PDCL2: variants seen among roughly 807,000 people sequenced by gnomAD.
The protein encoded by PDCL2 is phosducin like 2.
A neutral mutation model predicts 30.3 loss-of-function variants in PDCL2; 23 were observed. The ratio of observed to expected loss-of-function variants is 0.76; its 90% CI spans 0.55 to 1.08. PDCL2 has a LOEUF of 1.08. PDCL2 is among the 50% of genes least tolerant of loss of function. The pLI is 0.00. For missense variants in PDCL2, 243 were observed against 282.3 expected (o/e 0.86, Z 1.00); for synonymous variants, 68 against 86.2 (o/e 0.79, Z 1.17).
intron 5 of PDCL2, among the ~76,000 whole-genome samples, chr4:55,560,882 A>G (rs1242815994): frequency 3.3e-5 from 5 of 152,126 alleles, no homozygotes; most frequent in Non-Finnish European, 7.4e-5. Context: ...ATCTATGAAG[A>G]ACAGGCCCTC....
At chr4:55,565,921 G>A (rs1301807496) in intron 4 of PDCL2, among the ~76,000 whole-genome samples, 4 of 148,918 alleles carry the variant, frequency 2.7e-5, no homozygotes, top group South Asian at 2.1e-4. Context: ...TAAATTAACA[G>A]CTGTCCTTCA....
chr4:55,557,088 T>C (rs571153181), intron 5 of PDCL2, among the ~76,000 whole-genome samples: 5 of 152,338 alleles, frequency 3.3e-5, no homozygotes, highest in South Asian at 4.1e-4. Flanking sequence ...TCCCCCTACC[T>C]TGGCCTCCCA....
At chr4:55,561,474 G>T (rs1318840248) in intron 5 of PDCL2, among the ~76,000 whole-genome samples, 2 of 152,106 alleles carry the variant, frequency 1.3e-5, no homozygotes, top group African/African-American at 4.8e-5. Context: ...GAGGCAGGGA[G>T]AATTGCTTGA....
chr4:55,567,736 C>T (rs1732305839), intron 4 of PDCL2, among the ~76,000 whole-genome samples: 1 of 152,160 alleles, frequency 6.6e-6, no homozygotes, highest in South Asian at 2.1e-4. Flanking sequence ...TGACAAACAA[C>T]TTTGTATCAG....
intron 3 of PDCL2, among the ~76,000 whole-genome samples, chr4:55,576,004 G>C (rs1384334352): frequency 6.6e-5 from 10 of 152,124 alleles, no homozygotes; most frequent in Non-Finnish European, 8.8e-5. Flanking sequence ...GAGGAACATG[G>C]TGAAGTTAAC....
At chr4:55,590,790 C>T (rs747327116) in intron 1 of PDCL2, among the ~76,000 whole-genome samples, 3 of 152,090 alleles carry the variant, frequency 2.0e-5, no homozygotes, top group Non-Finnish European at 1.5e-5. Context: ...CCACTGCCCT[C>T]GGCCATGAAA....
Position 55,556,835 on chromosome 4 carries a change from GT to G in PDCL2, c.572-125del, listed in dbSNP as rs71194590. 1.0e-4 allele frequency: 81 copies of G among 786,132 alleles called. 1 individual carries two copies. Among genetic ancestry groups the G allele is most frequent in the African/African-American group, 8.1e-4 (45 of 55,414 alleles). 48.7% of individuals were successfully genotyped at this position (786,132 alleles called of 1,614,324 possible). On this transcript the variant is annotated intron_variant, in intron 5 of 5. Coordinates refer to ENST00000295645, the MANE Select transcript of PDCL2 (RefSeq NM_152401.3). ...GAAATGATGATATATTTATTTATAGGTTTTTTTTTCTTTTTTGAGACAGAGT... is the reference window on the plus strand; with the variant it reads ...GAAATGATGATATATTTATTTATAGGTTTTTTTTCTTTTTTGAGACAGAGT...
intron 5 of PDCL2, among the ~76,000 whole-genome samples, chr4:55,560,994 C>T (rs944981527): frequency 1.3e-5 from 2 of 152,098 alleles, no homozygotes; most frequent in African/African-American, 4.8e-5. Flanking sequence ...ACCCAGTTTA[C>T]AGTATTTTTA....
rs1223764771 is a variant in PDCL2 at position 55,589,117 on chromosome 4, C to A, written c.6+2987G>T. On this transcript the variant is annotated intron_variant, in intron 1 of 5. Coordinates refer to ENST00000295645, the MANE Select transcript of PDCL2 (RefSeq NM_152401.3). The stretch of plus-strand genomic sequence containing the variant: ...CTCGTGATCCGCCCACCTCGGCCTC[C>A]CAAAGTGCTGGTATTACAGGCATGA... 3.3e-5 allele frequency among the ~76,000 whole-genome samples: 5 copies of A among 152,132 alleles called. No homozygotes were observed. In the East Asian group the frequency reaches 9.6e-4, roughly 29 times the overall value.
intron 1 of PDCL2, among the ~76,000 whole-genome samples, chr4:55,588,691 T>G (rs1212283688): frequency 2.0e-5 from 3 of 152,150 alleles, no homozygotes; most frequent in African/African-American, 7.2e-5. Context: ...TTCATTCTTT[T>G]GCATGTGGAT....
chr4:55,562,295 C>T (rs1732153943), intron 5 of PDCL2, 109 bp downstream of exon 5: 1 of 618,046 alleles, frequency 1.6e-6, no homozygotes, highest in Non-Finnish European at 2.5e-6. Flanking sequence ...TAAAAAGAGA[C>T]TAGAAGCAAG....
At chr4:55,579,384 C>A (rs962054027) in intron 3 of PDCL2, among the ~76,000 whole-genome samples, 5 of 152,138 alleles carry the variant, frequency 3.3e-5, no homozygotes, top group African/African-American at 4.8e-5. Flanking sequence ...GGCTGGAGTG[C>A]AATGGCACGA....
At chr4:55,567,020 A>C (rs1238750736) in intron 4 of PDCL2, among the ~76,000 whole-genome samples, 1 of 152,204 alleles carries the variant, frequency 6.6e-6, no homozygotes, top group Non-Finnish European at 1.5e-5. Context: ...CAGAAAAAAC[A>C]TTCAGTAAAC....
intron 5 of PDCL2, among the ~76,000 whole-genome samples, chr4:55,561,303 C>T (rs988313206): frequency 2.0e-5 from 3 of 151,928 alleles, no homozygotes; most frequent in Admixed American, 1.3e-4. Context: ...GGCTCACGTC[C>T]GTAATCCCAT....
At position 55,592,239 on chromosome 4, in the gene PDCL2, A is replaced by C. The variant is rs556864603; in HGVS notation, c.-130T>G. 4.4e-6 allele frequency: 6 copies of C among 1,348,640 alleles called. No individual in the cohort carries two copies. In the African/African-American group the frequency reaches 8.7e-5, roughly 20 times the overall value. The allele number at this position is 1,348,640 out of a possible 1,614,324, so 83.5% of individuals were successfully genotyped here. On this transcript the variant is annotated 5_prime_UTR_variant, in exon 1 of 6. Coordinates refer to ENST00000295645, the MANE Select transcript of PDCL2 (RefSeq NM_152401.3). ...GGCCCGGCGGTTTCGAGTGACCGCCAGAAGAGGGAGAGGCGAACAAGGACT... is the reference window on the plus strand; with the variant it reads ...GGCCCGGCGGTTTCGAGTGACCGCCCGAAGAGGGAGAGGCGAACAAGGACT...
At chr4:55,588,411 GATCA>G (rs1732914680) in intron 1 of PDCL2, among the ~76,000 whole-genome samples, 1 of 151,644 alleles carries the variant, frequency 6.6e-6, no homozygotes, top group Non-Finnish European at 1.5e-5. Flanking sequence ...GACTCAAAAG[GATCA>G]AGGACTCTCT....
chr4:55,569,414 C>T (rs1732363007), intron 4 of PDCL2, among the ~76,000 whole-genome samples: 1 of 152,114 alleles, frequency 6.6e-6, no homozygotes, highest in African/African-American at 2.4e-5. Flanking sequence ...TGTTCATTTT[C>T]TCATTCCTTC....
intron 2 of PDCL2, 147 bp downstream of exon 2, chr4:55,581,970 G>A: frequency 2.9e-6 from 3 of 1,046,140 alleles, no homozygotes; most frequent in Middle Eastern, 3.2e-4. Context: ...GCCTCCCAAA[G>A]TGCTGGGATT....
Position 55,584,138 on chromosome 4 carries a change from T to C in PDCL2, c.7-1901A>G, listed in dbSNP as rs144437965. Among the ~76,000 whole-genome samples, 513 of 152,372 alleles carry C rather than the reference T, an allele frequency of 3.4e-3. 2 individuals carry two copies. The highest frequency in any genetic ancestry group is 0.011 in the African/African-American group (471 of 41,598). On this transcript the variant is annotated intron_variant, in intron 1 of 5. Coordinates refer to ENST00000295645, the MANE Select transcript of PDCL2 (RefSeq NM_152401.3). ...TTTTCATGTCCTTGGTTAAATTTAT[T>C]CCTAAGTATTTACTTTTTTGTAAAT...
Sources: gnomAD v4.1 joint callset for allele counts (sites outside exome capture counted in the v4.1 genomes callset) on GRCh38, gnomAD v4.1.1 for gene constraint, MANE v1.5 for transcripts, NCBI Gene and HGNC (gene_info 2026-07-23, HGNC 2026-07-21) for gene names.